The following CDC16 variants were observed in gnomAD, a reference collection of about 807,000 sequenced individuals.
CDC16 encodes cell division cycle protein 16 homolog.
Under a neutral mutation model 87.0 loss-of-function variants are expected in CDC16, and 34 were observed. The observed-to-expected ratio is 0.39, with a 90% CI of 0.30 to 0.52. The LOEUF is 0.52. CDC16 is among the 20% of genes least tolerant of loss of function. The pLI is 0.74. For synonymous variants in CDC16, 263 were observed against 260.6 expected (o/e 1.01, Z -0.09); for missense variants, 653 against 751.9 (o/e 0.87, Z 1.54).
intron 12 of CDC16, among the ~76,000 whole-genome samples, chr13:114,252,280 G>A (rs756977906): frequency 1.3e-5 from 2 of 152,152 alleles, no homozygotes; most frequent in African/African-American, 4.8e-5. Context: ...TAGCCCTGTT[G>A]GATAAGAGCT....
intron 14 of CDC16, among the ~76,000 whole-genome samples, chr13:114,260,356 A>C (rs542354462): frequency 3.3e-5 from 5 of 152,184 alleles, no homozygotes. Context: ...GGATAATCCA[A>C]GTGTTTTGTT....
intron 6 of CDC16, 73 bp downstream of exon 6, chr13:114,242,353 C>A: frequency 7.1e-7 from 1 of 1,409,670 alleles, no homozygotes; most frequent in Non-Finnish European, 9.9e-7. Flanking sequence ...CCTCTGAAAT[C>A]TTCTAAGTCA....
intron 11 of CDC16, among the ~76,000 whole-genome samples, chr13:114,249,850 A>G (rs1210588484): frequency 6.6e-6 from 1 of 152,250 alleles, no homozygotes; most frequent in Admixed American, 6.5e-5. Context: ...GTTTTGCTAC[A>G]GTGCATAAAA....
intron 12 of CDC16, among the ~76,000 whole-genome samples, chr13:114,255,388 T>C (rs941607602): frequency 6.6e-6 from 1 of 152,172 alleles, no homozygotes; most frequent in African/African-American, 2.4e-5. Flanking sequence ...CCGCTTCCTA[T>C]TACACTGTTA....
intron 5 of CDC16, among the ~76,000 whole-genome samples, chr13:114,241,588 A>G (rs535692462): frequency 2.0e-5 from 3 of 152,214 alleles, no homozygotes; most frequent in Non-Finnish European, 4.4e-5. Context: ...CTTTTGTTAT[A>G]AAGATGTGTT....
chr13:114,261,843 C>T (rs756717671), intron 14 of CDC16, 44 bp from the exon 15 acceptor site: 9 of 1,375,630 alleles, frequency 6.5e-6, no homozygotes, highest in Non-Finnish European at 8.1e-6. Context: ...TCAGGCTGAA[C>T]AGTGACATAT....
chr13:114,247,183 C>T, intron 11 of CDC16, 179 bp downstream of exon 11: 1 of 579,660 alleles, frequency 1.7e-6, no homozygotes, highest in South Asian at 2.1e-5. Flanking sequence ...TTCTCACCTC[C>T]CCTCCCCTCT....
At chr13:114,256,995 A>T in intron 12 of CDC16, 83 bp from the exon 13 acceptor site, 1 of 821,416 alleles carries the variant, frequency 1.2e-6, no homozygotes. Context: ...ATTATTTTGC[A>T]GATAGGATTT....
chr13:114,248,649 C>A (rs2081991553), intron 11 of CDC16, among the ~76,000 whole-genome samples: 1 of 151,970 alleles, frequency 6.6e-6, no homozygotes, highest in Non-Finnish European at 1.5e-5. Flanking sequence ...CTACTGCACT[C>A]CAGCCTCGCC....
rs1355047274 is a variant in CDC16, at chr13:114,250,769, C to G, written c.1097+95C>G. 5 of 1,218,210 alleles carry G rather than the reference C, an allele frequency of 4.1e-6. No homozygotes were observed. The South Asian group carries it at 5.5e-5, about 13-fold the overall frequency. The allele number at this position is 1,218,210 out of a possible 1,614,324, so 75.5% of individuals were successfully genotyped here. A position where few individuals can be genotyped will look rare whatever the true frequency, so the allele number is the denominator to read the frequency against. ...CTATTACTGCTATTTGGTTGCTAAA[C>G]TAAACACAAACATTTTACTTGCCTT... On this transcript the variant is annotated intron_variant, in intron 12 of 17. Transcript: ENST00000356221.
chr13:114,246,532 G>A (rs953324731), intron 10 of CDC16, among the ~76,000 whole-genome samples: 1 of 152,220 alleles, frequency 6.6e-6, no homozygotes, highest in African/African-American at 2.4e-5. Context: ...GAATCAGGGT[G>A]TAAGACTCAG....
At chr13:114,253,703 G>GAA (rs2082331885) in intron 12 of CDC16, among the ~76,000 whole-genome samples, 1 of 135,386 alleles carries the variant, frequency 7.4e-6, no homozygotes, top group African/African-American at 3.3e-5. Context: ...AAAAAAAAAA[G>GAA]AAAAAAATTA....
rs767436979 is a variant in CDC16, at chr13:114,246,037, T to C, written c.885T>C (p.Tyr295=). The C allele has an allele frequency of 6.8e-7, 1 of 1,463,724 alleles. No individual in the cohort carries two copies. The highest frequency in any genetic ancestry group is 1.2e-5 in the South Asian group (1 of 81,914). 90.7% of individuals were successfully genotyped at this position (1,463,724 alleles called of 1,614,324 possible). ...TTTCTCATAAACTGGTGGATTTATA[T>C]CCTAGTAATCCTGTAAGTAATATAA... ...FYLSHKLVDL[Y]PSNPVSWFAV... Residue 295 remains tyrosine, a synonymous_variant, in exon 10 of 18, where the codon TAT becomes TAC. Coordinates refer to ENST00000356221, the MANE Select transcript of CDC16 (RefSeq NM_001078645.3).
chr13:114,245,042 T>C, intron 9 of CDC16, 73 bp downstream of exon 9: 2 of 866,828 alleles, frequency 2.3e-6, no homozygotes, highest in Non-Finnish European at 3.6e-6. Context: ...AAATTTTGTC[T>C]CTGAAATTCT....
chr13:114,265,320 C>A, intron 17 of CDC16, 80 bp downstream of exon 17: 1 of 903,680 alleles, frequency 1.1e-6, no homozygotes, highest in Non-Finnish European at 1.8e-6. Flanking sequence ...TTCTCATATT[C>A]TCGTCTGAGG....
At chr13:114,257,745 T>C (rs960686953) in intron 13 of CDC16, among the ~76,000 whole-genome samples, 16 of 152,212 alleles carry the variant, frequency 1.1e-4, no homozygotes, top group Non-Finnish European at 2.2e-4. Flanking sequence ...TTTCATGATA[T>C]ACAAATTTTA....
intron 9 of CDC16, among the ~76,000 whole-genome samples, chr13:114,245,270 C>T (rs150508408): frequency 1.5e-4 from 22 of 148,646 alleles, no homozygotes; most frequent in Non-Finnish European, 2.0e-4. Flanking sequence ...CCTCCCCCCC[C>T]CTTTTTTTTT....
rs765712769 is a variant in CDC16, at chr13:114,239,500, A to G, written c.381+10A>G. 3.7e-5 allele frequency: 58 copies of G among 1,579,162 alleles called. No homozygotes were observed. The highest frequency in any genetic ancestry group is 4.6e-5 in the Non-Finnish European group (53 of 1,156,004). On this transcript the variant is annotated intron_variant, in intron 5 of 17. Coordinates refer to ENST00000356221, the MANE Select transcript of CDC16 (RefSeq NM_001078645.3). ...AATGTCACAGTCTTCAGTAAGTAGT[A>G]CTGTGAGCACAGCTCAGTAACGGCG... is the stretch of plus-strand genomic sequence containing the variant.
At chr13:114,271,216 C>T (rs565412366) in intron 17 of CDC16, among the ~76,000 whole-genome samples, 16 of 152,006 alleles carry the variant, frequency 1.1e-4, no homozygotes, top group African/African-American at 2.2e-4. Context: ...CCATCGCGCC[C>T]GGCCAAGATT....
Sources: allele counts gnomAD v4.1 joint callset (sites outside exome capture counted in the v4.1 genomes callset), GRCh38; gene constraint gnomAD v4.1.1; transcripts MANE v1.5; gene names NCBI Gene and HGNC (gene_info 2026-07-23, HGNC 2026-07-21).